The following ABCC6 variants were observed in gnomAD, a reference collection of about 807,000 sequenced individuals.
ABCC6 encodes the protein ATP binding cassette subfamily C member 6, also known as ATP-binding cassette sub-family C member 6.
A neutral mutation model predicts 169.5 loss-of-function variants in ABCC6; 126 were observed. The observed-to-expected ratio is 0.74, with a 90% CI of 0.64 to 0.86. The LOEUF is 0.86. Ranked by LOEUF, ABCC6 falls within the 40% of genes least tolerant of loss-of-function variation. ABCC6 has a pLI of 0.00. For missense variants in ABCC6, 1,733 were observed against 1,927.2 expected (o/e 0.90, Z 1.89); for synonymous variants, 752 against 814.7 (o/e 0.92, Z 1.31).
chr16:16,178,912 TACAGCCCGGGCCAGGCTC>T lies in ABCC6; in HGVS notation c.2283_2300del (p.Ser762_Val767del). ...GCAGGTACACAGCTGCCTTTCTGTATACAGCCCGGGCCAGGCTCAGCCGCTGCTTCTGGCCTCCGGAGA... is the reference window on the plus strand; with the variant it reads ...GCAGGTACACAGCTGCCTTTCTGTATAGCCGCTGCTTCTGGCCTCCGGAGA... On this transcript the variant is annotated inframe_deletion, in exon 18 of 31. Coordinates refer to ENST00000205557, the MANE Select transcript of ABCC6 (RefSeq NM_001171.6). The T allele has an allele frequency of 6.2e-7, 1 of 1,613,694 alleles. No individual in the cohort carries two copies.
intron 13 of ABCC6, among the ~76,000 whole-genome samples, chr16:16,188,065 T>C (rs1005257134): frequency 7.9e-5 from 12 of 151,452 alleles, no homozygotes; most frequent in African/African-American, 2.7e-4. Context: ...GGTGAAACCC[T>C]GTCTCTACTA....
intron 10 of ABCC6, among the ~76,000 whole-genome samples, chr16:16,194,146 G>T (rs1354992783): frequency 2.0e-5 from 3 of 152,240 alleles, no homozygotes; most frequent in Non-Finnish European, 4.4e-5. Context: ...TTTTGAGTGT[G>T]GCCTTGGGGC....
chr16:16,173,685 C>T (rs571761104), intron 20 of ABCC6, among the ~76,000 whole-genome samples: 122 of 144,788 alleles, frequency 8.4e-4, no homozygotes, highest in African/African-American at 3.0e-3. Context: ...GAACTCTGTT[C>T]TCAGAATTTT....
chr16:16,154,805 G>C lies in ABCC6; in HGVS notation c.4042-11C>G. 1 of 1,609,476 alleles carries C rather than the reference G, an allele frequency of 6.2e-7. No individual in the cohort carries two copies. Among genetic ancestry groups the C allele is most frequent in the Non-Finnish European group, 8.5e-7 (1 of 1,178,090 alleles). ...GAACAGGATGGGGTCCTGGCGGGGA[G>C]GGGCGGTGGGTCAGAGCCGGGTCCC... On this transcript the variant is annotated splice_polypyrimidine_tract_variant and intron_variant, in intron 28 of 30. Coordinates refer to ENST00000205557, the MANE Select transcript of ABCC6 (RefSeq NM_001171.6).
rs371997398 is a variant in ABCC6 at position 16,187,138 on chromosome 16, C to A, written c.1853G>T (p.Ser618Ile). 1.2e-6 allele frequency: 2 copies of A among 1,613,334 alleles called. No individual in the cohort carries two copies. Among genetic ancestry groups the A allele is most frequent in the African/African-American group, 2.7e-5 (2 of 74,894 alleles). ...TCAGCACTCACCGCTTCCAGAGGAA[C>A]TTGAGTCTACGACACCAGGGTCAAC... ...EEVDPGVVDSSSSGSAAGKDC... is the reference protein window; with the variant it reads ...EEVDPGVVDSISSGSAAGKDC... Residue 618 changes from serine (S) to isoleucine (I), a missense_variant, in exon 14 of 31, where the codon AGT (serine) becomes ATT (isoleucine). Ser to Ile is a moderately radical substitution (Grantham distance 142). Transcript: ENST00000205557.
At chr16:16,221,602 C>G (rs776209470) in intron 2 of ABCC6, 47 bp downstream of exon 2, 1 of 1,605,650 alleles carries the variant, frequency 6.2e-7, no homozygotes, top group Non-Finnish European at 8.5e-7. Flanking sequence ...TGTCCCCTGC[C>G]TCCCCCGAAC....
chr16:16,219,448 C>G, intron 4 of ABCC6, 106 bp downstream of exon 4: 1 of 652,136 alleles, frequency 1.5e-6, no homozygotes, highest in East Asian at 2.7e-5. Context: ...TTGTGTGTGT[C>G]ACTGTATAGA....
chr16:16,174,461 AGTTAACCTCT>A (rs1376573241), intron 20 of ABCC6, among the ~76,000 whole-genome samples: 3 of 152,158 alleles, frequency 2.0e-5, no homozygotes, highest in Non-Finnish European at 4.4e-5. Flanking sequence ...TTCTTTGCTT[AGTTAACCTCT>A]GTTAGCCAGG....
At chr16:16,210,416 C>T (rs865800520) in intron 6 of ABCC6, among the ~76,000 whole-genome samples, 6 of 152,120 alleles carry the variant, frequency 3.9e-5, no homozygotes, top group Non-Finnish European at 8.8e-5. Flanking sequence ...GGATTATAGG[C>T]GTGAGCCACT....
chr16:16,151,919 A>C (rs1360687218), intron 29 of ABCC6, among the ~76,000 whole-genome samples: 1 of 151,870 alleles, frequency 6.6e-6, no homozygotes, highest in Non-Finnish European at 1.5e-5. Context: ...GTGGCGGGGC[A>C]CGGCGGCTCA....
intron 13 of ABCC6, among the ~76,000 whole-genome samples, chr16:16,188,243 T>A (rs924032778): frequency 5.8e-5 from 7 of 121,540 alleles, no homozygotes; most frequent in African/African-American, 1.6e-4. Flanking sequence ...AAAAAAAAAA[T>A]TAGCTGGGCA....
Position 16,188,996 on chromosome 16 carries a change from T to C in ABCC6, c.1636-22A>G, listed in dbSNP as rs569348300. On this transcript the variant is annotated intron_variant, in intron 12 of 30. Transcript: ENST00000205557. ...CGACCTGGGGGGTGGGGGGGACACG[T>C]GGGGCAACAGTGAGACACGCAAGCA... 3.1e-6 allele frequency: 5 copies of C among 1,612,924 alleles called. No individual in the cohort carries two copies. In the Admixed American group the frequency reaches 6.7e-5, roughly 22 times the overall value.
intron 22 of ABCC6, among the ~76,000 whole-genome samples, chr16:16,166,177 G>A (rs907455060): frequency 4.6e-5 from 7 of 152,156 alleles, no homozygotes; most frequent in Admixed American, 4.6e-4. Context: ...CACCCTCCGA[G>A]TAGCTGGGAC....
At chr16:16,197,214 A>T (rs965601087) in intron 10 of ABCC6, among the ~76,000 whole-genome samples, 1 of 152,092 alleles carries the variant, frequency 6.6e-6, no homozygotes, top group African/African-American at 2.4e-5. Context: ...ACTTCAAAAC[A>T]TGGTTAACTT....
At chr16:16,192,729 C>T (rs76470239) in intron 11 of ABCC6, 101 bp downstream of exon 11, 311,166 of 1,098,502 alleles carry the variant, frequency 0.28, 46,511 homozygotes, top group South Asian at 0.39. Context: ...AAGCCAGACC[C>T]GTGGGCTCGC....
At chr16:16,185,809 AATT>A (rs942805269) in intron 14 of ABCC6, among the ~76,000 whole-genome samples, 5 of 152,164 alleles carry the variant, frequency 3.3e-5, no homozygotes, top group Admixed American at 3.3e-4. Context: ...TACTACTACT[AATT>A]ATTATTATTA....
In ABCC6 at chr16:16,157,750, G is replaced by T. The variant is rs114175094; in HGVS notation, c.3795C>A (p.Ile1265=). The T allele has an allele frequency of 6.2e-7, 1 of 1,613,846 alleles. No homozygotes were observed. Among genetic ancestry groups the T allele is most frequent in the Middle Eastern group, 1.7e-4 (1 of 6,060 alleles). The part of the protein sequence containing the change: ...AQPPWPQGGQ[I]EFRDFGLRYR... ...ATCTTAGCCCAAAGTCCCGGAACTC[G>T]ATCTGCCCGCCCTGAGGCCAGGGGG... The change falls in exon 27 of 31, where the codon ATC becomes ATA. Residue 1265 remains isoleucine, a synonymous_variant. Coordinates refer to ENST00000205557, the MANE Select transcript of ABCC6 (RefSeq NM_001171.6).
intron 18 of ABCC6, 79 bp downstream of exon 18, chr16:16,178,719 T>TA: frequency 1.3e-6 from 2 of 1,548,956 alleles, no homozygotes; most frequent in South Asian, 1.1e-5. Flanking sequence ...GGAGGTGAGA[T>TA]AAACTTGGGT....
At chr16:16,188,106 G>A (rs1177184440) in intron 13 of ABCC6, among the ~76,000 whole-genome samples, 1 of 151,588 alleles carries the variant, frequency 6.6e-6, no homozygotes, top group African/African-American at 2.4e-5. Context: ...ATAAGACTGG[G>A]TGCAGTGGCT....
Sources: allele counts gnomAD v4.1 joint callset (sites outside exome capture counted in the v4.1 genomes callset), GRCh38; gene constraint gnomAD v4.1.1; transcripts MANE v1.5; gene names NCBI Gene and HGNC (gene_info 2026-07-23, HGNC 2026-07-21).